STAB2: variants seen among roughly 807,000 people sequenced by gnomAD.
STAB2 encodes stabilin 2, also known as stabilin-2.
Under a neutral mutation model 338.1 loss-of-function variants are expected in STAB2, and 288 were observed. That is an observed-to-expected ratio of 0.85 (90% CI 0.77 to 0.94). STAB2 has a LOEUF of 0.94. STAB2 is among the 40% of genes least tolerant of loss of function. STAB2 has a pLI of 0.00. For synonymous variants in STAB2, 1,202 were observed against 1,193.3 expected (o/e 1.01, Z -0.15); for missense variants, 3,141 against 3,210.1 (o/e 0.98, Z 0.52).
At chr12:103,591,944 G>A (rs1295125130) in intron 2 of STAB2, among the ~76,000 whole-genome samples, 1 of 151,804 alleles carries the variant, frequency 6.6e-6, no homozygotes, top group Non-Finnish European at 1.5e-5. Flanking sequence ...CCGGATGGAA[G>A]GATTTTTTTT....
rs779821735 is a variant in STAB2 at position 103,655,538 on chromosome 12, A to T, written c.1691A>T (p.Asn564Ile). 5.6e-6 allele frequency: 9 copies of T among 1,614,072 alleles called. No individual in the cohort carries two copies. Among genetic ancestry groups the T allele is most frequent in the South Asian group, 4.4e-5 (4 of 91,072 alleles). ...TIFVPNNEALNNMKDGTLDYL... is the reference protein window; with the variant it reads ...TIFVPNNEALINMKDGTLDYL... ...TTTGTTCCAAATAATGAAGCATTGA[A>T]TAACATGAAGGACGGCACTCTCGAT... The change falls in exon 15 of 69, where the codon AAT becomes ATT. Residue 564 changes from asparagine to isoleucine, a missense_variant. Coordinates refer to ENST00000388887, the MANE Select transcript of STAB2 (RefSeq NM_017564.10).
chr12:103,686,391 C>T (rs1877435954), intron 27 of STAB2, among the ~76,000 whole-genome samples: 1 of 152,204 alleles, frequency 6.6e-6, no homozygotes, highest in Non-Finnish European at 1.5e-5. Context: ...GCTACAGACC[C>T]TGGTTTCCTA....
intron 34 of STAB2, among the ~76,000 whole-genome samples, chr12:103,700,126 C>T (rs992283708): frequency 2.0e-5 from 3 of 152,204 alleles, no homozygotes; most frequent in Non-Finnish European, 4.4e-5. Flanking sequence ...AATATTTAAA[C>T]GTGTTTACAA....
chr12:103,621,608 T>A lies in STAB2; in HGVS notation c.418-434T>A, dbSNP rs181362226. ...TTATCCGGGTGTGGTGGTGTGCACC[T>A]GTAATCCCAGCTACTCGGGAGGCTG... is the stretch of plus-strand genomic sequence containing the variant. On this transcript the variant is annotated intron_variant, in intron 4 of 68. Coordinates refer to ENST00000388887, the MANE Select transcript of STAB2 (RefSeq NM_017564.10). Among the ~76,000 whole-genome samples, 326 of 152,322 alleles carry A rather than the reference T, an allele frequency of 2.1e-3. 2 individuals are homozygous for A. The highest frequency in any genetic ancestry group is 3.2e-4 in the Non-Finnish European group (22 of 68,024).
chr12:103,727,310 T>A lies in STAB2; in HGVS notation c.4895T>A (p.Val1632Asp). ...KDLVGPGPFT[V>D]FAPLSAAFDE... ...CTGGTCGGCCCAGGCCCCTTCACTGTTTTTGCACCTTTATCTGCAGCCTTT... is the reference window on the plus strand; with the variant it reads ...CTGGTCGGCCCAGGCCCCTTCACTGATTTTGCACCTTTATCTGCAGCCTTT... The change falls in exon 47 of 69, where the codon GTT becomes GAT. Residue 1632 changes from valine to aspartate, a missense_variant. Physicochemically the swap from Val to Asp is radical, Grantham distance 152 (BLOSUM62 -3). Transcript: ENST00000388887. The A allele has an allele frequency of 6.2e-7, 1 of 1,614,234 alleles. No homozygotes were observed. Among genetic ancestry groups the A allele is most frequent in the Non-Finnish European group, 8.5e-7 (1 of 1,180,026 alleles).
chr12:103,633,551 G>A (rs941094900), intron 6 of STAB2, among the ~76,000 whole-genome samples: 3 of 152,088 alleles, frequency 2.0e-5, no homozygotes, highest in African/African-American at 4.8e-5. Context: ...GCATGATGGC[G>A]GGCGCCTGTA....
In STAB2 at chr12:103,670,776, T is replaced by A. The variant is rs1373552379; in HGVS notation, c.2340T>A (p.Asp780Glu). ...GCTCCCAGTGTCAGTTCTGCTCTGA[T>A]CCCAATAAATACGGACCTCGGTGTA... is the stretch of plus-strand genomic sequence containing the variant. ...FQGSQCQFCS[D>E]PNKYGPRCNK... The change falls in exon 22 of 69, where the codon GAT becomes GAA. Residue 780 changes from aspartate (D) to glutamate (E), a missense_variant. Transcript: ENST00000388887. 6.2e-7 allele frequency: 1 copy of A among 1,614,084 alleles called. No individual in the cohort carries two copies. Among genetic ancestry groups the A allele is most frequent in the African/African-American group, 1.3e-5 (1 of 75,024 alleles).
intron 9 of STAB2, among the ~76,000 whole-genome samples, chr12:103,643,815 G>A (rs1000057591): frequency 5.3e-5 from 8 of 151,624 alleles, no homozygotes; most frequent in South Asian, 2.1e-4. Context: ...TAGCCGCCCC[G>A]ACCGGGAGGG....
intron 3 of STAB2, among the ~76,000 whole-genome samples, chr12:103,608,190 G>C (rs1432624722): frequency 6.6e-6 from 1 of 152,204 alleles, no homozygotes; most frequent in Non-Finnish European, 1.5e-5. Flanking sequence ...CCAGGCTGGA[G>C]TGCAGTGGTG....
intron 18 of STAB2, among the ~76,000 whole-genome samples, chr12:103,663,232 G>A (rs1874778299): frequency 6.6e-6 from 1 of 152,132 alleles, no homozygotes; most frequent in Non-Finnish European, 1.5e-5. Context: ...CAGGAATATT[G>A]GCTCCTCAGA....
intron 31 of STAB2, among the ~76,000 whole-genome samples, chr12:103,694,548 T>A (rs569263686): frequency 6.6e-6 from 1 of 152,144 alleles, no homozygotes; most frequent in Non-Finnish European, 1.5e-5. Context: ...TTAGACAATA[T>A]GTAAACAAAT....
intron 44 of STAB2, among the ~76,000 whole-genome samples, chr12:103,722,064 C>T (rs568337810): frequency 7.9e-5 from 12 of 152,232 alleles, no homozygotes; most frequent in African/African-American, 2.9e-4. Flanking sequence ...AAATGTAAGC[C>T]TGAAGGAGAG....
chr12:103,746,255 C>T (rs1369238855), intron 57 of STAB2: 5 of 202,388 alleles, frequency 2.5e-5, no homozygotes, highest in South Asian at 8.3e-5. Flanking sequence ...CCATATCCAT[C>T]GGGAACCCCT....
At chr12:103,612,035 A>G (rs1957131534) in intron 3 of STAB2, among the ~76,000 whole-genome samples, 1 of 152,172 alleles carries the variant, frequency 6.6e-6, no homozygotes, top group Non-Finnish European at 1.5e-5. Flanking sequence ...TCTGGCTTGT[A>G]GAGTTTCTGC....
rs369769583 is a variant in STAB2, at chr12:103,740,772, C to A, written c.5881+16C>A. The stretch of plus-strand genomic sequence containing the variant: ...GACTGTCAGGGTGAGGGTGCCTCTT[C>A]CCCCCTCGCAACTCTAAAAGTGGTA... On this transcript the variant is annotated intron_variant, in intron 55 of 68. Transcript: ENST00000388887. The A allele has an allele frequency of 9.2e-5, 144 of 1,558,120 alleles. No homozygotes were observed. Among genetic ancestry groups the A allele is most frequent in the Non-Finnish European group, 1.1e-4 (132 of 1,158,878 alleles).
intron 59 of STAB2, among the ~76,000 whole-genome samples, chr12:103,749,608 T>TC (rs1883408973): frequency 6.7e-6 from 1 of 149,982 alleles, no homozygotes; most frequent in Admixed American, 6.7e-5. Flanking sequence ...GGCAGATGGA[T>TC]CACGAGGTCA....
rs553817843 is a variant in STAB2, at chr12:103,690,015, C to T, written c.3182+33C>T. On this transcript the variant is annotated intron_variant, in intron 29 of 68. Coordinates refer to ENST00000388887, the MANE Select transcript of STAB2 (RefSeq NM_017564.10). The stretch of plus-strand genomic sequence containing the variant: ...TTACTTATTTTATTTTACATCGTAT[C>T]TGAATGGCATCTGTGTAAACATGTC... The T allele has an allele frequency of 6.9e-6, 11 of 1,603,980 alleles. No individual in the cohort carries two copies. The East Asian group carries it at 2.0e-4, about 29-fold the overall frequency.
rs371263321 is a variant in STAB2, at chr12:103,591,481, T to C, written c.215+451T>C. Among the ~76,000 whole-genome samples, 6 of 152,144 alleles carry C rather than the reference T, an allele frequency of 3.9e-5. No homozygotes were observed. In the South Asian group the frequency reaches 6.2e-4, roughly 16 times the overall value. On this transcript the variant is annotated intron_variant, in intron 2 of 68. Coordinates refer to ENST00000388887, the MANE Select transcript of STAB2 (RefSeq NM_017564.10). ...GCCTGGGTGACAGAGTGAAACTATATCTCAAAAAATAAAATATATATTGTT... is the reference window on the plus strand; with the variant it reads ...GCCTGGGTGACAGAGTGAAACTATACCTCAAAAAATAAAATATATATTGTT...
At chr12:103,593,499 C>A (rs1226475766) in intron 2 of STAB2, among the ~76,000 whole-genome samples, 3 of 152,160 alleles carry the variant, frequency 2.0e-5, no homozygotes, top group Admixed American at 2.0e-4. Context: ...GATATTTGGT[C>A]CTGCCCTTGG....
Sources: allele counts gnomAD v4.1 joint callset (sites outside exome capture counted in the v4.1 genomes callset), GRCh38; gene constraint gnomAD v4.1.1; transcripts MANE v1.5; gene names NCBI Gene and HGNC (gene_info 2026-07-23, HGNC 2026-07-21).